Variants in RIMS1 observed in about 807,000 individuals in gnomAD.
RIMS1 encodes the protein regulating synaptic membrane exocytosis 1, also known as regulating synaptic membrane exocytosis protein 1.
A neutral mutation model predicts 214.1 loss-of-function variants in RIMS1; 83 were observed. The observed-to-expected ratio is 0.39, with a 90% CI of 0.32 to 0.47. RIMS1 has a LOEUF of 0.47. Ranked by LOEUF, RIMS1 falls within the 20% of genes least tolerant of loss-of-function variation. The probability of loss-of-function intolerance (pLI) is 0.99; values close to 1 mark genes in which losing one functional copy is unlikely to be tolerated. For synonymous variants in RIMS1, 793 were observed against 786.8 expected (o/e 1.01, Z -0.13); for missense variants, 2,050 against 2,161.8 (o/e 0.95, Z 1.03).
chr6:72,167,893 T>C (rs1305890876), intron 4 of RIMS1, among the ~76,000 whole-genome samples: 1 of 56,492 alleles, frequency 1.8e-5, no homozygotes, highest in African/African-American at 6.2e-5. Flanking sequence ...TTGATTTTTT[T>C]CTAGGTTTTA....
At chr6:72,160,365 T>C (rs1169698690) in intron 4 of RIMS1, among the ~76,000 whole-genome samples, 2 of 139,918 alleles carry the variant, frequency 1.4e-5, no homozygotes, top group Non-Finnish European at 3.2e-5. Flanking sequence ...CCTAATTGAA[T>C]ACCCTTTATT....
chr6:72,251,366 A>C lies in RIMS1; in HGVS notation c.2696A>C (p.Gln899Pro). 1.3e-6 allele frequency: 2 copies of C among 1,587,208 alleles called. No individual in the cohort carries two copies. Among genetic ancestry groups the C allele is most frequent in the Non-Finnish European group, 1.7e-6 (2 of 1,166,358 alleles). The part of the protein sequence containing the change: ...IHGESSSKKL[Q>P]RSQRISDSDI... ...GGAGAAAGCTCTAGCAAAAAGCTAC[A>C]AAGTAGGTTAAGGTCCTTTTAGTTG... The change falls in exon 15 of 34, where the codon CAA (glutamine) becomes CCA (proline). Residue 899 changes from glutamine (Q) to proline (P), a missense_variant and splice_region_variant. Gln to Pro is a moderately conservative substitution (Grantham distance 76). Coordinates refer to ENST00000521978, the MANE Select transcript of RIMS1 (RefSeq NM_014989.7).
At chr6:71,893,051 C>T (rs1201083822) in intron 1 of RIMS1, among the ~76,000 whole-genome samples, 1 of 152,162 alleles carries the variant, frequency 6.6e-6, no homozygotes, top group African/African-American at 2.4e-5. Context: ...TCATCATATC[C>T]TCCAAATTGC....
intron 1 of RIMS1, among the ~76,000 whole-genome samples, chr6:71,899,047 G>C (rs910687304): frequency 2.0e-5 from 3 of 151,964 alleles, no homozygotes; most frequent in East Asian, 1.9e-4. Context: ...TAATATATAA[G>C]TAAATTATTG....
intron 6 of RIMS1, among the ~76,000 whole-genome samples, chr6:72,202,746 A>G (rs1045403367): frequency 6.6e-6 from 1 of 152,218 alleles, no homozygotes; most frequent in Non-Finnish European, 1.5e-5. Context: ...CAGTTGCTTT[A>G]TGAAGAGGGT....
intron 3 of RIMS1, 51 bp downstream of exon 3, chr6:72,097,213 T>TA (rs2032025194): frequency 6.7e-7 from 1 of 1,502,956 alleles, no homozygotes; most frequent in South Asian, 1.1e-5. Flanking sequence ...TAAAAACTAT[T>TA]ACGCCTTCCA....
At chr6:72,312,064 T>C (rs1563912919) in intron 27 of RIMS1, among the ~76,000 whole-genome samples, 2 of 152,196 alleles carry the variant, frequency 1.3e-5, no homozygotes, top group Non-Finnish European at 2.9e-5. Context: ...TTCTCTAGGG[T>C]AATTTTTAAG....
chr6:72,399,022 A>G lies in RIMS1; in HGVS notation c.4788A>G (p.Ala1596=). ...TAGCCAAGAAGAAGACAAGAATTGCACGAAAAACCCTTGATCCTTTGTATC... is the reference window on the plus strand; with the variant it reads ...TAGCCAAGAAGAAGACAAGAATTGCGCGAAAAACCCTTGATCCTTTGTATC... The part of the protein sequence containing the change: ...ACIAKKKTRI[A]RKTLDPLYQQ... Residue 1596 remains alanine, a synonymous_variant, in exon 33 of 34, where the codon GCA becomes GCG. Coordinates refer to ENST00000521978, the MANE Select transcript of RIMS1 (RefSeq NM_014989.7). 3 of 1,611,406 alleles carry G rather than the reference A, an allele frequency of 1.9e-6. No individual in the cohort carries two copies. Among genetic ancestry groups the G allele is most frequent in the South Asian group, 1.1e-5 (1 of 90,758 alleles).
At chr6:72,291,803 T>C in intron 25 of RIMS1, 131 bp from the exon 26 acceptor site, 3 of 718,608 alleles carry the variant, frequency 4.2e-6, no homozygotes, top group Non-Finnish European at 7.6e-6. Flanking sequence ...ATAAAAAGTG[T>C]TTGATTCTGC....
At chr6:72,319,989 A>G (rs1482587473) in intron 28 of RIMS1, among the ~76,000 whole-genome samples, 1 of 152,148 alleles carries the variant, frequency 6.6e-6, no homozygotes, top group African/African-American at 2.4e-5. Context: ...TAGATAAGTT[A>G]CTTTATACTT....
intron 6 of RIMS1, among the ~76,000 whole-genome samples, chr6:72,190,229 C>T (rs773436929): frequency 6.6e-6 from 1 of 151,900 alleles, no homozygotes; most frequent in Non-Finnish European, 1.5e-5. Flanking sequence ...TTTGGGAGGC[C>T]GAGGTGGGCG....
intron 24 of RIMS1, among the ~76,000 whole-genome samples, chr6:72,287,552 G>C (rs1249958012): frequency 1.3e-5 from 2 of 152,044 alleles, no homozygotes; most frequent in Non-Finnish European, 2.9e-5. Flanking sequence ...GGTAAACTTA[G>C]GGTCAGGCAT....
chr6:72,357,673 T>A lies in RIMS1; in HGVS notation c.4366+23838T>A, dbSNP rs192470234. ...CTTCAGTCTATGGTTCTGTAACTTG[T>A]TTTTCACAACAGTGACTTTAATCAA... On this transcript the variant is annotated intron_variant, in intron 29 of 33. Transcript: ENST00000521978. Among the ~76,000 whole-genome samples, 63 of 152,300 alleles carry A rather than the reference T, an allele frequency of 4.1e-4. 2 individuals are homozygous for A. The highest frequency in any genetic ancestry group is 1.5e-3 in the African/African-American group (61 of 41,570).
At chr6:72,020,492 A>T (rs1025080622) in intron 2 of RIMS1, among the ~76,000 whole-genome samples, 2 of 152,130 alleles carry the variant, frequency 1.3e-5, no homozygotes, top group Non-Finnish European at 2.9e-5. Flanking sequence ...CTGCTTTCTT[A>T]TGCCAAAGTC....
At chr6:72,276,440 T>C (rs139303458) in intron 23 of RIMS1, among the ~76,000 whole-genome samples, 3 of 152,272 alleles carry the variant, frequency 2.0e-5, no homozygotes, top group East Asian at 3.9e-4. Flanking sequence ...CGAGATGTTA[T>C]TAGCTTAATT....
At chr6:72,249,754 G>T (rs184493653) in intron 12 of RIMS1, among the ~76,000 whole-genome samples, 1 of 152,128 alleles carries the variant, frequency 6.6e-6, no homozygotes, top group Non-Finnish European at 1.5e-5. Context: ...CTGTGACAGA[G>T]TGAGACCATG....
chr6:72,153,778 T>C (rs2044053516), intron 4 of RIMS1, among the ~76,000 whole-genome samples: 1 of 152,210 alleles, frequency 6.6e-6, no homozygotes, highest in Admixed American at 6.5e-5. Context: ...ACTGGTATCT[T>C]CTTAAATATT....
At chr6:72,212,412 ATAAGAGGTAAGTAC>A (rs1261486863) in intron 6 of RIMS1, among the ~76,000 whole-genome samples, 2 of 151,952 alleles carry the variant, frequency 1.3e-5, no homozygotes, top group Non-Finnish European at 2.9e-5. Context: ...AGTTTATGTA[ATAAGAGGTAAGTAC>A]TATTTAAAGA....
At chr6:72,340,983 T>C (rs550800437) in intron 29 of RIMS1, among the ~76,000 whole-genome samples, 23 of 152,204 alleles carry the variant, frequency 1.5e-4, no homozygotes, top group African/African-American at 5.5e-4. Context: ...TAGTTCTCCT[T>C]GAAGAGGTCC....
Sources: allele counts gnomAD v4.1 joint callset (sites outside exome capture counted in the v4.1 genomes callset), GRCh38; gene constraint gnomAD v4.1.1; transcripts MANE v1.5; gene names NCBI Gene and HGNC (gene_info 2026-07-23, HGNC 2026-07-21).